Variants in PPARA observed in about 807,000 individuals in gnomAD.
PPARA encodes peroxisome proliferator activated receptor alpha.
PPARA carries 22 observed loss-of-function variants against 42.2 expected under a neutral mutation model. That is an observed-to-expected ratio of 0.52 (90% CI 0.37 to 0.74). PPARA has a LOEUF of 0.74. Ranked by LOEUF, PPARA falls within the 30% of genes least tolerant of loss-of-function variation. PPARA has a pLI of 0.00. For missense variants in PPARA, 465 were observed against 608.2 expected, an observed-to-expected ratio of 0.76 and a Z score of 2.48; for synonymous variants, 242 against 239.3, an observed-to-expected ratio of 1.01 and a Z score of -0.10.
rs1461391069 is a variant in PPARA at position 46,163,522 on chromosome 22, G to C, written c.-127+11552G>C. The C allele has an allele frequency of 1.3e-5, 2 of 152,264 alleles. No individual in the cohort carries two copies. The highest frequency in any genetic ancestry group is 4.8e-5 in the African/African-American group (2 of 41,466). The allele number at this position is 152,264 out of a possible 1,614,324, so 9.4% of individuals were successfully genotyped here. A position where few individuals can be genotyped will look rare whatever the true frequency, so the allele number is the denominator to read the frequency against. On this transcript the variant is annotated intron_variant, in intron 2 of 8. Transcript: ENST00000407236. The surrounding 1 kb of genome is among the most constrained non-coding windows in gnomAD (Gnocchi z 4.9). ...CACCACAGTCACATAAGCGGGAAGA[G>C]CAGGCTCCTGGCTGTGGCGAGCTTG... is the stretch of plus-strand genomic sequence containing the variant.
chr22:46,181,643 G>T (rs1038580049), intron 3 of PPARA, among the ~76,000 whole-genome samples: 1 of 152,046 alleles, frequency 6.6e-6, no homozygotes, highest in Admixed American at 6.6e-5. Context: ...TTTTAATGTC[G>T]GGTGGCCAGC....
At chr22:46,199,303 C>G (rs1485994734) in intron 4 of PPARA, among the ~76,000 whole-genome samples, 1 of 152,072 alleles carries the variant, frequency 6.6e-6, no homozygotes, top group East Asian at 1.9e-4. Context: ...AATTGGGATG[C>G]ATTTATACAG....
At position 46,203,742 on chromosome 22, in the gene PPARA, C is replaced by T. The variant is rs959355486; in HGVS notation, c.208+5151C>T. ...CATGAGCTGGAGGCCAGGCTCCTCC[C>T]GCTGCGCAAGGTGAGAACTTCCCGT... On this transcript the variant is annotated intron_variant, in intron 4 of 8. Transcript: ENST00000407236. The surrounding 1 kb of genome is among the most constrained non-coding windows in gnomAD (Gnocchi z 5.8). Among the ~76,000 whole-genome samples the T allele has an allele frequency of 3.9e-5, 6 of 152,262 alleles. No homozygotes were observed. Among genetic ancestry groups the T allele is most frequent in the African/African-American group, 9.6e-5 (4 of 41,476 alleles).
In PPARA at chr22:46,162,447, A is replaced by G. The variant is rs1300270506; in HGVS notation, c.-127+10477A>G. 6.6e-6 allele frequency among the ~76,000 whole-genome samples: 1 copy of G among 152,056 alleles called. No homozygotes were observed. The highest frequency in any genetic ancestry group is 1.5e-5 in the Non-Finnish European group (1 of 68,006). ...CCTCATACCCCGCCGCACCCCTGTG[A>G]CCTCTACCTTTGAGACCTCAGCTTA... On this transcript the variant is annotated intron_variant, in intron 2 of 8. Transcript: ENST00000407236. This position sits in a 1 kb window ranked among gnomAD's most constrained non-coding sequence, Gnocchi z 6.0.
chr22:46,198,387 G>C lies in PPARA; in HGVS notation c.4G>C (p.Val2Leu), dbSNP rs1018083118. Residue 2 changes from valine to leucine, a missense_variant, in exon 4 of 9, where the codon GTG becomes CTG. Transcript: ENST00000407236. ...CAACCAGCACCATCTGGTCGCGATG[G>C]TGGACACGGAAAGCCCACTCTGCCC... MVDTESPLCPLS... is the reference protein window; with the variant it reads MLDTESPLCPLS... 1 of 1,613,816 alleles carries C rather than the reference G, an allele frequency of 6.2e-7. No individual in the cohort carries two copies. Among genetic ancestry groups the C allele is most frequent in the Non-Finnish European group, 8.5e-7 (1 of 1,179,878 alleles).
At position 46,187,388 on chromosome 22, in the gene PPARA, A is replaced by G. The variant is rs978768406; in HGVS notation, c.-43+10552A>G. Among the ~76,000 whole-genome samples the G allele has an allele frequency of 2.0e-5, 3 of 152,212 alleles. No individual in the cohort carries two copies. The highest frequency in any genetic ancestry group is 1.3e-4 in the Admixed American group (2 of 15,278). On this transcript the variant is annotated intron_variant, in intron 3 of 8. Coordinates refer to ENST00000407236, the MANE Select transcript of PPARA (RefSeq NM_005036.6). This position sits in a 1 kb window ranked among gnomAD's most constrained non-coding sequence, Gnocchi z 4.9. ...TCTGCCCAGTGACTTAAGCCAGAGCATACATTCATCCTAGACTCTGTCCCA... is the reference window on the plus strand; with the variant it reads ...TCTGCCCAGTGACTTAAGCCAGAGCGTACATTCATCCTAGACTCTGTCCCA...
intron 2 of PPARA, chr22:46,155,657 G>A (rs776083547): frequency 1.3e-5 from 2 of 152,154 alleles, no homozygotes; most frequent in Admixed American, 6.6e-5. Flanking sequence ...TTATGGGGTA[G>A]AAATGTGCTA....
chr22:46,200,475 A>G lies in PPARA; in HGVS notation c.208+1884A>G, dbSNP rs1260398496. ...ATGGTAAGTATTTGTGCGTCTAAAC[A>G]TACCAAAACATATAGTAGAAAAGGT... On this transcript the variant is annotated intron_variant, in intron 4 of 8. Transcript: ENST00000407236. The surrounding 1 kb of genome is among the most constrained non-coding windows in gnomAD (Gnocchi z 4.8). Among the ~76,000 whole-genome samples the G allele has an allele frequency of 6.6e-6, 1 of 152,256 alleles. No homozygotes were observed. The highest frequency in any genetic ancestry group is 1.5e-5 in the Non-Finnish European group (1 of 68,046).
In PPARA at chr22:46,160,585, C is replaced by T. The variant is rs988272435; in HGVS notation, c.-127+8615C>T. Among the ~76,000 whole-genome samples, 6 of 151,560 alleles carry T rather than the reference C, an allele frequency of 4.0e-5. No individual in the cohort carries two copies. The highest frequency in any genetic ancestry group is 9.7e-5 in the African/African-American group (4 of 41,230). ...TGCTGGGATTACAGGCGTGAGCCAC[C>T]GCACCTGGCCCAATATTGTTTGTTT... is the stretch of plus-strand genomic sequence containing the variant. On this transcript the variant is annotated intron_variant, in intron 2 of 8. Coordinates refer to ENST00000407236, the MANE Select transcript of PPARA (RefSeq NM_005036.6). This position sits in a 1 kb window ranked among gnomAD's most constrained non-coding sequence, Gnocchi z 4.5.
rs1017764576 is a variant in PPARA at position 46,238,570 on chromosome 22, A to G, written c.*3190A>G. The G allele has an allele frequency of 6.6e-6, 1 of 152,232 alleles. No homozygotes were observed. The highest frequency in any genetic ancestry group is 2.4e-5 in the African/African-American group (1 of 41,468). 9.4% of individuals were successfully genotyped at this position (152,232 alleles called of 1,614,324 possible). Reference sequence around the variant, plus strand: ...ACGGTTTTTCATTTTCTCAACTTTTAATAGCAAAAAGTGCCAAAGTCCTCA... The same window carrying G: ...ACGGTTTTTCATTTTCTCAACTTTTGATAGCAAAAAGTGCCAAAGTCCTCA... On this transcript the variant is annotated 3_prime_UTR_variant, in exon 9 of 9. Coordinates refer to ENST00000407236, the MANE Select transcript of PPARA (RefSeq NM_005036.6). The surrounding 1 kb of genome is among the most constrained non-coding windows in gnomAD (Gnocchi z 8.3).
chr22:46,178,309 G>A (rs1314072144), intron 3 of PPARA, among the ~76,000 whole-genome samples: 1 of 152,146 alleles, frequency 6.6e-6, no homozygotes, highest in African/African-American at 2.4e-5. Context: ...CATTTTCCAG[G>A]ATAGAATAAC....
At chr22:46,214,065 T>C (rs4253727) in intron 4 of PPARA, among the ~76,000 whole-genome samples, 2,008 of 152,364 alleles carry the variant, frequency 0.013, 41 homozygotes, top group African/African-American at 0.046. Context: ...CTTTCATGGA[T>C]TGTGCATTTG....
Position 46,198,435 on chromosome 22 carries a change from G to T in PPARA, c.52G>T (p.Asp18Tyr). ...LCPLSPLEAGDLESPLSEEFL... is the reference protein window; with the variant it reads ...LCPLSPLEAGYLESPLSEEFL... ...CCCCCTCTCCCCACTCGAGGCCGGC[G>T]ATCTAGAGAGCCCGTTATCTGAAGA... The change falls in exon 4 of 9, where the codon GAT (aspartate) becomes TAT (tyrosine). Residue 18 changes from aspartate (D) to tyrosine (Y), a missense_variant. Transcript: ENST00000407236. 1 of 1,613,796 alleles carries T rather than the reference G, an allele frequency of 6.2e-7. No individual in the cohort carries two copies. The highest frequency in any genetic ancestry group is 1.1e-5 in the South Asian group (1 of 91,074).
Position 46,223,370 on chromosome 22 carries a change from C to T in PPARA, c.711+3356C>T, listed in dbSNP as rs146506426. On this transcript the variant is annotated intron_variant, in intron 7 of 8. Transcript: ENST00000407236. ...AAAGAAATAAATAATAGGCCAGGCG[C>T]GGTGGCTCATGCCTGTAATCCCAGC... is the stretch of plus-strand genomic sequence containing the variant. Among the ~76,000 whole-genome samples, 31 of 151,894 alleles carry T rather than the reference C, an allele frequency of 2.0e-4. No homozygotes were observed. The Middle Eastern group carries it at 0.014, about 67-fold the overall frequency.
rs992314040 is a variant in PPARA, at chr22:46,242,953, G to A, written c.*7573G>A. ...TCGCTAAAGACCCTTCACTATTCTT[G>A]TTTAGTAAATAGCTGTCTGCTCTTC... On this transcript the variant is annotated 3_prime_UTR_variant, in exon 9 of 9. Coordinates refer to ENST00000407236, the MANE Select transcript of PPARA (RefSeq NM_005036.6). The surrounding 1 kb of genome is among the most constrained non-coding windows in gnomAD (Gnocchi z 6.1). 4 of 152,620 alleles carry A rather than the reference G, an allele frequency of 2.6e-5. No homozygotes were observed. Among genetic ancestry groups the A allele is most frequent in the African/African-American group, 9.6e-5 (4 of 41,456 alleles). The allele number at this position is 152,620 out of a possible 1,614,324, so 9.5% of individuals were successfully genotyped here.
intron 7 of PPARA, among the ~76,000 whole-genome samples, chr22:46,228,900 C>T (rs1026615090): frequency 1.3e-5 from 2 of 151,458 alleles, no homozygotes; most frequent in Admixed American, 6.6e-5. Context: ...GTCAGGAGAT[C>T]GAGACCATCC....
At position 46,204,071 on chromosome 22, in the gene PPARA, C is replaced by G. The variant is rs1374820770; in HGVS notation, c.208+5480C>G. Among the ~76,000 whole-genome samples, 1 of 152,224 alleles carries G rather than the reference C, an allele frequency of 6.6e-6. No individual in the cohort carries two copies. The highest frequency in any genetic ancestry group is 1.9e-4 in the East Asian group (1 of 5,202). ...ATCCACTTTCTATCATTCTAGGTTGCTTTATATTTCCTAGAATTTTATATA... is the reference window on the plus strand; with the variant it reads ...ATCCACTTTCTATCATTCTAGGTTGGTTTATATTTCCTAGAATTTTATATA... On this transcript the variant is annotated intron_variant, in intron 4 of 8. Coordinates refer to ENST00000407236, the MANE Select transcript of PPARA (RefSeq NM_005036.6). This position sits in a 1 kb window ranked among gnomAD's most constrained non-coding sequence, Gnocchi z 5.2.
At chr22:46,198,664 T>TTTC in intron 4 of PPARA, 73 bp downstream of exon 4, 1 of 1,374,736 alleles carries the variant, frequency 7.3e-7, no homozygotes, top group Non-Finnish European at 1.0e-6. Context: ...CTCTCTTTTT[T>TTTC]TTTTTTTTTT....
chr22:46,224,822 A>C lies in PPARA; in HGVS notation c.711+4808A>C, dbSNP rs1569245504. On this transcript the variant is annotated intron_variant, in intron 7 of 8. Coordinates refer to ENST00000407236, the MANE Select transcript of PPARA (RefSeq NM_005036.6). The surrounding 1 kb of genome is among the most constrained non-coding windows in gnomAD (Gnocchi z 5.7). Reference sequence around the variant, plus strand: ...GAAGCACGGGGGATGGATAGATTTTAATTTCAAAGCAGCCCTCTGGTTTGC... The same window carrying C: ...GAAGCACGGGGGATGGATAGATTTTCATTTCAAAGCAGCCCTCTGGTTTGC... Among the ~76,000 whole-genome samples the C allele has an allele frequency of 6.6e-6, 1 of 152,150 alleles. No homozygotes were observed. The highest frequency in any genetic ancestry group is 1.5e-5 in the Non-Finnish European group (1 of 68,018).
Sources: allele counts gnomAD v4.1 joint callset (sites outside exome capture counted in the v4.1 genomes callset), GRCh38; gene constraint gnomAD v4.1.1; non-coding constraint Gnocchi (gnomAD v3.1); transcripts MANE v1.5; gene names NCBI Gene and HGNC (gene_info 2026-07-23, HGNC 2026-07-21).